The following NCKAP5 variants were observed in gnomAD, a reference collection of about 807,000 sequenced individuals.
NCKAP5 encodes NCK associated protein 5, also known as nck-associated protein 5.
In NCKAP5, 92 loss-of-function variants were observed where a neutral mutation model predicts 167.0. The observed-to-expected ratio is 0.55, with a 90% CI of 0.47 to 0.66. The LOEUF is 0.66. NCKAP5 is among the 30% of genes least tolerant of loss of function. The pLI is 0.00. For synonymous variants in NCKAP5, 891 were observed against 877.4 expected (o/e 1.02, Z -0.27); for missense variants, 2,378 against 2,315.0 (o/e 1.03, Z -0.56).
intron 19 of NCKAP5, among the ~76,000 whole-genome samples, chr2:132,721,482 G>C (rs1417910982): frequency 6.6e-6 from 1 of 152,172 alleles, no homozygotes; most frequent in Non-Finnish European, 1.5e-5. Context: ...AGGGACTCCA[G>C]GGGTGGGACG....
At chr2:133,652,959 A>G in the NCKAP5 span, among the ~76,000 whole-genome samples, 40,860 of 152,088 alleles carry the variant, frequency 0.27, 8,469 homozygotes, top group African/African-American at 0.56. Context: ...CTAATCAATA[A>G]TAGGGAAATG....
At chr2:133,206,037 T>C (rs965271354) in intron 5 of NCKAP5, among the ~76,000 whole-genome samples, 1 of 152,168 alleles carries the variant, frequency 6.6e-6, no homozygotes, top group Non-Finnish European at 1.5e-5. Context: ...GCTCTTATAC[T>C]ACTTTTCTTA....
At chr2:132,681,844 A>G (rs572932743) in intron 19 of NCKAP5, among the ~76,000 whole-genome samples, 1 of 152,360 alleles carries the variant, frequency 6.6e-6, no homozygotes, top group East Asian at 1.9e-4. Context: ...TAGGAGCCAC[A>G]GTGCATTATG....
intron 4 of NCKAP5, among the ~76,000 whole-genome samples, chr2:133,300,600 A>T (rs1432649468): frequency 7.2e-6 from 1 of 139,522 alleles, no homozygotes; most frequent in Admixed American, 7.0e-5. Flanking sequence ...AAAAACTCTC[A>T]ATTAATTAGG....
At chr2:132,939,505 G>T (rs558963345) in intron 8 of NCKAP5, among the ~76,000 whole-genome samples, 20 of 152,188 alleles carry the variant, frequency 1.3e-4, no homozygotes, top group African/African-American at 3.1e-4. Context: ...ACATGAAAGG[G>T]ATTCTGTTTG....
At chr2:133,456,447 C>T (rs1467910162) in intron 3 of NCKAP5, among the ~76,000 whole-genome samples, 1 of 152,120 alleles carries the variant, frequency 6.6e-6, no homozygotes, top group Non-Finnish European at 1.5e-5. Flanking sequence ...AGAGCAGAAG[C>T]CATGTGATAA....
At chr2:133,502,152 C>A (rs1459210396) in intron 3 of NCKAP5, among the ~76,000 whole-genome samples, 1 of 152,206 alleles carries the variant, frequency 6.6e-6, no homozygotes, top group African/African-American at 2.4e-5. Flanking sequence ...CACCTCTGTC[C>A]CTGTCTGGCT....
intron 3 of NCKAP5, among the ~76,000 whole-genome samples, chr2:133,447,129 C>T (rs1267574243): frequency 7.9e-5 from 12 of 152,088 alleles, no homozygotes; most frequent in Admixed American, 4.6e-4. Context: ...AGGAACACAC[C>T]ACGACTTTGA....
intron 3 of NCKAP5, among the ~76,000 whole-genome samples, chr2:133,469,762 C>A (rs1401627430): frequency 6.6e-6 from 1 of 151,796 alleles, no homozygotes; most frequent in Non-Finnish European, 1.5e-5. Flanking sequence ...TCATTCATTT[C>A]ATCTTCCATT....
At chr2:133,021,244 T>A (rs1199304212) in intron 6 of NCKAP5, among the ~76,000 whole-genome samples, 1 of 152,060 alleles carries the variant, frequency 6.6e-6, no homozygotes, top group Non-Finnish European at 1.5e-5. Context: ...AGCATAGACA[T>A]ATTCAATGCC....
intron 5 of NCKAP5, among the ~76,000 whole-genome samples, chr2:133,178,610 G>C (rs12105097): frequency 6.7e-6 from 1 of 149,622 alleles, no homozygotes; most frequent in Non-Finnish European, 1.5e-5. Context: ...CGGATCACGA[G>C]GTCAGAAGAT....
intron 3 of NCKAP5, among the ~76,000 whole-genome samples, chr2:133,515,360 C>G (rs1385637193): frequency 6.6e-6 from 1 of 152,158 alleles, no homozygotes; most frequent in East Asian, 1.9e-4. Context: ...AAGCACCCCC[C>G]TACACACTGT....
At chr2:132,978,449 A>G (rs2077039738) in intron 7 of NCKAP5, among the ~76,000 whole-genome samples, 1 of 152,154 alleles carries the variant, frequency 6.6e-6, no homozygotes, top group Admixed American at 6.5e-5. Flanking sequence ...ACTTTGGTAA[A>G]GCTACTGGGA....
the NCKAP5 span, among the ~76,000 whole-genome samples, chr2:133,607,159 C>G: frequency 6.6e-6 from 1 of 152,204 alleles, no homozygotes; most frequent in Non-Finnish European, 1.5e-5. Context: ...TTCATTACCT[C>G]CAACTCTTTT....
Position 132,961,760 on chromosome 2 carries a change from TAAC to T in NCKAP5, c.579+1957_579+1959del, listed in dbSNP as rs373313776. On this transcript the variant is annotated intron_variant, in intron 8 of 19. Transcript: ENST00000409261. ...AAAATGTACTTTTCAATGTTGTCTC[TAAC>T]AACAACATGAACTAAGATTAATTTT... Among the ~76,000 whole-genome samples the T allele has an allele frequency of 6.2e-4, 94 of 152,352 alleles. 1 individual carries two copies. The South Asian group carries it at 0.019, about 31-fold the overall frequency.
upstream of NCKAP5, chr2:133,568,464 G>C (rs1688725483): frequency 2.0e-5 from 3 of 152,056 alleles, no homozygotes; most frequent in Admixed American, 2.0e-4. Flanking sequence ...TAGTTGCTTC[G>C]AGCTTGTAAA....
chr2:133,378,236 T>A (rs1686287241), intron 3 of NCKAP5, among the ~76,000 whole-genome samples: 1 of 151,864 alleles, frequency 6.6e-6, no homozygotes, highest in South Asian at 2.1e-4. Flanking sequence ...TAAGATTATA[T>A]CCAAATGAGT....
intron 11 of NCKAP5, among the ~76,000 whole-genome samples, chr2:132,849,085 G>GATTA (rs60882113): frequency 0.079 from 11,955 of 152,126 alleles, 937 homozygotes; most frequent in African/African-American, 0.19. Context: ...TTTAATTTGG[G>GATTA]ATTTTGTAAT....
chr2:132,951,294 G>A (rs933271831), intron 8 of NCKAP5, among the ~76,000 whole-genome samples: 1 of 152,000 alleles, frequency 6.6e-6, no homozygotes, highest in African/African-American at 2.4e-5. Context: ...CAATTCCAAA[G>A]GCAAAAATGC....
Sources: allele counts gnomAD v4.1 joint callset (sites outside exome capture counted in the v4.1 genomes callset), GRCh38; gene constraint gnomAD v4.1.1; transcripts MANE v1.5; gene names NCBI Gene and HGNC (gene_info 2026-07-23, HGNC 2026-07-21).